The following SLC47A2 variants were observed in gnomAD, a reference collection of about 807,000 sequenced individuals.
SLC47A2 encodes multidrug and toxin extrusion protein 2.
SLC47A2 carries 52 observed loss-of-function variants against 67.7 expected under a neutral mutation model. That is an observed-to-expected ratio of 0.77 (90% CI 0.61 to 0.97). The LOEUF (loss-of-function observed/expected upper bound fraction) is 0.97. SLC47A2 is among the 50% of genes least tolerant of loss of function. The pLI is 0.00. For synonymous variants in SLC47A2, 278 were observed against 292.9 expected (o/e 0.95, Z 0.52); for missense variants, 676 against 712.3 (o/e 0.95, Z 0.58).
intron 13 of SLC47A2, among the ~76,000 whole-genome samples, chr17:19,686,662 T>C (rs2386143): frequency 0.58 from 88,029 of 151,998 alleles, 26,117 homozygotes; most frequent in East Asian, 0.98. Flanking sequence ...TATACTTAGA[T>C]AAAATAGATT....
chr17:19,678,921 A>G lies in SLC47A2; in HGVS notation c.1481-15T>C, dbSNP rs1302873800. 1 of 1,556,572 alleles carries G rather than the reference A, an allele frequency of 6.4e-7. No individual in the cohort carries two copies. Among genetic ancestry groups the G allele is most frequent in the Non-Finnish European group, 8.7e-7 (1 of 1,148,852 alleles). ...GCCTGTAGCCACTGCGGAAGCAAAC[A>G]GGAGCAAACTCAGCAGGTCAGGGGT... On this transcript the variant is annotated splice_polypyrimidine_tract_variant and intron_variant, in intron 16 of 16. Coordinates refer to ENST00000433844, the MANE Select transcript of SLC47A2 (RefSeq NM_001099646.3).
chr17:19,684,119 C>T (rs533623615), intron 13 of SLC47A2, among the ~76,000 whole-genome samples: 1 of 152,236 alleles, frequency 6.6e-6, no homozygotes, highest in East Asian at 1.9e-4. Flanking sequence ...TGCTATGTTA[C>T]CCTGGCTGGT....
rs1427042251 is a variant in SLC47A2, at chr17:19,678,382, G to T, written c.*304C>A. 8.4e-6 allele frequency: 3 copies of T among 358,206 alleles called. No individual in the cohort carries two copies. The highest frequency in any genetic ancestry group is 4.7e-5 in the South Asian group (1 of 21,422). 22.2% of individuals were successfully genotyped at this position (358,206 alleles called of 1,614,324 possible). On this transcript the variant is annotated 3_prime_UTR_variant, in exon 17 of 17. Transcript: ENST00000433844. ...TGATTTTATCTGCAGTGTCCCATTT[G>T]AAGCCATTTACATTATTAATAATAG...
rs1451144989 is a variant in SLC47A2, at chr17:19,686,260, C to G, written c.1165-4590G>C. Among the ~76,000 whole-genome samples, 4 of 152,046 alleles carry G rather than the reference C, an allele frequency of 2.6e-5. No individual in the cohort carries two copies. In the East Asian group the frequency reaches 7.7e-4, roughly 29 times the overall value. On this transcript the variant is annotated intron_variant, in intron 13 of 16. Transcript: ENST00000433844. The stretch of plus-strand genomic sequence containing the variant: ...CTGGGCTACAAGAGCGAGACCCTGT[C>G]TCAAATAAATAAATAATATTGCAAG...
chr17:19,704,432 G>A (rs559928057), intron 10 of SLC47A2, among the ~76,000 whole-genome samples: 3 of 152,364 alleles, frequency 2.0e-5, no homozygotes, highest in Non-Finnish European at 4.4e-5. Flanking sequence ...ACAGGCAGGC[G>A]GGCCTTGCAA....
rs763270502 is a variant in SLC47A2 at position 19,681,539 on chromosome 17, C to T, written c.1296G>A (p.Met432Ile). 1 of 1,614,220 alleles carries T rather than the reference C, an allele frequency of 6.2e-7. No homozygotes were observed. The highest frequency in any genetic ancestry group is 1.1e-5 in the South Asian group (1 of 91,082). ...TCCCGACTTCCTCACACCACATACC[C>T]ATGATTCTCATTCTGACCACAAAGG... is the stretch of plus-strand genomic sequence containing the variant. ...LLTFVVRMRIMGLWLGMLACV... is the reference protein window; with the variant it reads ...LLTFVVRMRIIGLWLGMLACV... The change falls in exon 14 of 17, where the codon ATG (methionine) becomes ATA (isoleucine). Residue 432 changes from methionine (M) to isoleucine (I), a missense_variant and splice_region_variant. Transcript: ENST00000433844.
intron 5 of SLC47A2, 23 bp from the exon 6 acceptor site, chr17:19,708,783 C>A: frequency 6.2e-7 from 1 of 1,613,788 alleles, no homozygotes; most frequent in Non-Finnish European, 8.5e-7. Flanking sequence ...CAAACCCAAA[C>A]AAATCAACAA....
chr17:19,711,992 T>C (rs919733117), intron 5 of SLC47A2, among the ~76,000 whole-genome samples: 2 of 152,192 alleles, frequency 1.3e-5, no homozygotes, highest in Non-Finnish European at 2.9e-5. Flanking sequence ...TAATGACATA[T>C]TTTAAAGGGA....
chr17:19,692,880 C>A (rs1163861519), intron 13 of SLC47A2, among the ~76,000 whole-genome samples: 1 of 152,160 alleles, frequency 6.6e-6, no homozygotes, highest in African/African-American at 2.4e-5. Flanking sequence ...TGCTTCTGAT[C>A]CCAGCACTTT....
At chr17:19,691,009 C>G (rs2085528663) in intron 13 of SLC47A2, among the ~76,000 whole-genome samples, 1 of 151,946 alleles carries the variant, frequency 6.6e-6, no homozygotes, top group Non-Finnish European at 1.5e-5. Context: ...ATAATCCTAG[C>G]TACTCGGGAA....
chr17:19,707,142 G>A (rs1004943207), intron 8 of SLC47A2, among the ~76,000 whole-genome samples: 2 of 152,154 alleles, frequency 1.3e-5, no homozygotes, highest in Non-Finnish European at 2.9e-5. Flanking sequence ...CAAGGATGCT[G>A]AAGGGAAACA....
At chr17:19,680,784 T>C (rs1367051692) in intron 15 of SLC47A2, among the ~76,000 whole-genome samples, 1 of 152,170 alleles carries the variant, frequency 6.6e-6, no homozygotes, top group African/African-American at 2.4e-5. Flanking sequence ...TTGAGTTCTT[T>C]GCGTTTGTTT....
At chr17:19,714,928 G>A (rs900512738) in intron 2 of SLC47A2, 139 bp from the exon 3 acceptor site, 3 of 1,340,788 alleles carry the variant, frequency 2.2e-6, no homozygotes, top group African/African-American at 2.9e-5. Context: ...AGCCTCATGT[G>A]CTGTGTGCCC....
At chr17:19,703,909 G>A (rs1329387346) in intron 11 of SLC47A2, among the ~76,000 whole-genome samples, 161 bp downstream of exon 11, 1 of 152,194 alleles carries the variant, frequency 6.6e-6, no homozygotes, top group Non-Finnish European at 1.5e-5. Context: ...CAGCTTATCA[G>A]CAGAGGCTGA....
chr17:19,712,281 A>G (rs980341995), intron 5 of SLC47A2, among the ~76,000 whole-genome samples: 16 of 152,058 alleles, frequency 1.1e-4, no homozygotes, highest in African/African-American at 3.1e-4. Context: ...CAGCTACTCC[A>G]GAGGCTGAGG....
At chr17:19,706,272 C>G (rs2085932911) in intron 9 of SLC47A2, among the ~76,000 whole-genome samples, 1 of 152,246 alleles carries the variant, frequency 6.6e-6, no homozygotes, top group Non-Finnish European at 1.5e-5. Context: ...GAGCCTCACA[C>G]TGGCAAGCCT....
At chr17:19,705,800 T>C (rs145895182) in intron 9 of SLC47A2, among the ~76,000 whole-genome samples, 274 of 152,310 alleles carry the variant, frequency 1.8e-3, no homozygotes, top group African/African-American at 5.8e-3. Context: ...AGTTTCGCCA[T>C]GTTGGCCAGG....
At chr17:19,691,570 T>G (rs1276407349) in intron 13 of SLC47A2, among the ~76,000 whole-genome samples, 2 of 152,144 alleles carry the variant, frequency 1.3e-5, no homozygotes, top group Non-Finnish European at 2.9e-5. Context: ...CTCATGGAGA[T>G]AGTGAATAGA....
chr17:19,718,908 C>G (rs547697221), upstream of SLC47A2: 1 of 152,354 alleles, frequency 6.6e-6, no homozygotes, highest in Non-Finnish European at 1.5e-5. Context: ...CAGCCACCTG[C>G]AGACTCAGCT....
Sources: gnomAD v4.1 joint callset for allele counts (sites outside exome capture counted in the v4.1 genomes callset) on GRCh38, gnomAD v4.1.1 for gene constraint, MANE v1.5 for transcripts, NCBI Gene and HGNC (gene_info 2026-07-23, HGNC 2026-07-21) for gene names.